TACR3: variants seen among roughly 807,000 people sequenced by gnomAD.
The protein encoded by TACR3 is tachykinin receptor 3.
In TACR3, 34 loss-of-function variants were observed where a neutral mutation model predicts 35.0. That is an observed-to-expected ratio of 0.97 (90% confidence interval 0.74 to 1.30). TACR3 has a LOEUF of 1.30. TACR3 is among the 50% of genes most tolerant of loss of function. The pLI, the probability that TACR3 is intolerant of heterozygous loss-of-function variation, is 0.00. For synonymous variants in TACR3, 233 were observed against 221.1 expected (o/e 1.05, Z -0.48); for missense variants, 558 against 591.7 (o/e 0.94, Z 0.59).
At chr4:103,634,208 A>AGAGC (rs1451019349) in intron 3 of TACR3, among the ~76,000 whole-genome samples, 1 of 152,240 alleles carries the variant, frequency 6.6e-6, no homozygotes, top group Admixed American at 6.5e-5. Flanking sequence ...CCTCTAATGA[A>AGAGC]GAGGAACAAT....
At chr4:103,640,809 G>A (rs1027962793) in intron 3 of TACR3, among the ~76,000 whole-genome samples, 84 of 151,752 alleles carry the variant, frequency 5.5e-4, no homozygotes, top group Non-Finnish European at 1.0e-3. Context: ...TGTGGCCCAA[G>A]ACAATTCTTT....
chr4:103,589,591 G>C lies in TACR3; in HGVS notation c.*91C>G. ...AAAAATTGCTTTCTGTTTCTAGAGG[G>C]TATATAGGACAGGACTGGTAAATAG... On this transcript the variant is annotated 3_prime_UTR_variant, in exon 5 of 5. Transcript: ENST00000304883. The C allele has an allele frequency of 6.8e-7, 1 of 1,465,824 alleles. No homozygotes were observed. Among genetic ancestry groups the C allele is most frequent in the Non-Finnish European group, 9.5e-7 (1 of 1,052,738 alleles). The allele number at this position is 1,465,824 out of a possible 1,614,324, so 90.8% of individuals were successfully genotyped here. A position where few individuals can be genotyped will look rare whatever the true frequency, so the allele number is the denominator to read the frequency against.
intron 1 of TACR3, among the ~76,000 whole-genome samples, chr4:103,678,734 T>A (rs1355949565): frequency 6.6e-6 from 1 of 151,046 alleles, no homozygotes; most frequent in African/African-American, 2.4e-5. Flanking sequence ...GATGTGAGTC[T>A]GCTGTTTTAG....
chr4:103,622,861 C>T (rs1050196359), intron 3 of TACR3, among the ~76,000 whole-genome samples: 2 of 152,030 alleles, frequency 1.3e-5, no homozygotes, highest in Non-Finnish European at 2.9e-5. Flanking sequence ...CCAGAGGAGA[C>T]TAATGTCAAG....
chr4:103,691,261 G>T (rs907752585), intron 1 of TACR3, among the ~76,000 whole-genome samples: 1 of 152,142 alleles, frequency 6.6e-6, no homozygotes, highest in African/African-American at 2.4e-5. Context: ...AATACCCTCA[G>T]GGATAGAAAG....
chr4:103,649,396 T>C (rs572881287), intron 3 of TACR3, among the ~76,000 whole-genome samples: 60 of 152,258 alleles, frequency 3.9e-4, no homozygotes, highest in African/African-American at 1.4e-3. Context: ...CCCAATGTTT[T>C]TGTGTAGTAG....
At chr4:103,630,170 C>A (rs1175370654) in intron 3 of TACR3, among the ~76,000 whole-genome samples, 1 of 152,172 alleles carries the variant, frequency 6.6e-6, no homozygotes, top group Admixed American at 6.5e-5. Context: ...CTTCCTTACA[C>A]CTTATACAAA....
At position 103,591,478 on chromosome 4, in the gene TACR3, TG is replaced by T. The variant is rs1408168637; in HGVS notation, c.1085+8del. 4 of 1,613,528 alleles carry T rather than the reference TG, an allele frequency of 2.5e-6. No homozygotes were observed. Among genetic ancestry groups the T allele is most frequent in the Non-Finnish European group, 3.4e-6 (4 of 1,179,668 alleles). On this transcript the variant is annotated splice_region_variant and intron_variant, in intron 4 of 4. Coordinates refer to ENST00000304883, the MANE Select transcript of TACR3 (RefSeq NM_001059.3). ...ACAAGCAACTTGCATTTCGTAGTTTTGTTTTTACCTTTTATTCAGACAGCAG... is the reference window on the plus strand; with the variant it reads ...ACAAGCAACTTGCATTTCGTAGTTTTTTTTTACCTTTTATTCAGACAGCAG...
At chr4:103,695,922 T>A (rs1301973591) in intron 1 of TACR3, among the ~76,000 whole-genome samples, 3 of 152,188 alleles carry the variant, frequency 2.0e-5, no homozygotes, top group African/African-American at 7.2e-5. Context: ...AAATTATGTG[T>A]TAATAGTTTT....
chr4:103,594,950 TGTA>T (rs976658318), intron 3 of TACR3, among the ~76,000 whole-genome samples: 1 of 152,174 alleles, frequency 6.6e-6, no homozygotes, highest in African/African-American at 2.4e-5. Flanking sequence ...TACAAAATCT[TGTA>T]GTGTTATTTC....
chr4:103,603,266 G>C (rs539021377), intron 3 of TACR3, among the ~76,000 whole-genome samples: 2 of 152,218 alleles, frequency 1.3e-5, no homozygotes, highest in Non-Finnish European at 2.9e-5. Context: ...TAGGGTGGGA[G>C]TGACCCGATT....
chr4:103,703,622 A>G (rs77011523), intron 1 of TACR3, among the ~76,000 whole-genome samples: 1 of 152,112 alleles, frequency 6.6e-6, no homozygotes, highest in Non-Finnish European at 1.5e-5. Context: ...CCAGTTGTCT[A>G]ATCTGCAGCA....
intron 3 of TACR3, among the ~76,000 whole-genome samples, chr4:103,626,843 T>C (rs1049399100): frequency 2.0e-5 from 3 of 151,988 alleles, no homozygotes; most frequent in African/African-American, 4.8e-5. Context: ...CAGTAATCTA[T>C]ATAATATAAA....
intron 1 of TACR3, among the ~76,000 whole-genome samples, chr4:103,665,734 G>A (rs1038708048): frequency 1.3e-5 from 2 of 152,058 alleles, no homozygotes; most frequent in African/African-American, 2.4e-5. Flanking sequence ...TGTTCCTTGG[G>A]GCTTTAGTGT....
At chr4:103,702,201 C>G (rs1475920714) in intron 1 of TACR3, among the ~76,000 whole-genome samples, 2 of 152,000 alleles carry the variant, frequency 1.3e-5, no homozygotes, top group Non-Finnish European at 2.9e-5. Flanking sequence ...AACAAATTTA[C>G]AAGAAAAAAA....
chr4:103,687,032 A>T (rs1239889683), intron 1 of TACR3, among the ~76,000 whole-genome samples: 1 of 152,142 alleles, frequency 6.6e-6, no homozygotes, highest in African/African-American at 2.4e-5. Context: ...GCAGCACATC[A>T]AAAAGCTTAT....
At chr4:103,606,037 A>G (rs1322881385) in intron 3 of TACR3, among the ~76,000 whole-genome samples, 36 of 151,886 alleles carry the variant, frequency 2.4e-4, no homozygotes, top group African/African-American at 7.5e-4. Flanking sequence ...TCAGCTTTCT[A>G]CATATGGCTA....
At chr4:103,645,126 C>T (rs1024928367) in intron 3 of TACR3, among the ~76,000 whole-genome samples, 1 of 151,780 alleles carries the variant, frequency 6.6e-6, no homozygotes, top group African/African-American at 2.4e-5. Flanking sequence ...TCTCAATTAC[C>T]CTGAACATTT....
intron 3 of TACR3, among the ~76,000 whole-genome samples, chr4:103,600,179 C>G (rs1458850928): frequency 6.6e-6 from 1 of 152,066 alleles, no homozygotes; most frequent in African/African-American, 2.4e-5. Flanking sequence ...CTGGTTTAGT[C>G]TTGGGAGGGT....
Sources: gnomAD v4.1 joint callset for allele counts (sites outside exome capture counted in the v4.1 genomes callset) on GRCh38, gnomAD v4.1.1 for gene constraint, MANE v1.5 for transcripts, NCBI Gene and HGNC (gene_info 2026-07-23, HGNC 2026-07-21) for gene names.